ZNG1A: variants seen among roughly 807,000 people sequenced by gnomAD.
ZNG1A encodes the protein Zn regulated GTPase metalloprotein activator 1A, also known as zinc-regulated GTPase metalloprotein activator 1A.
At chr9:140,612 CT>C in the ZNG1A span, among the ~76,000 whole-genome samples, 1 of 146,686 alleles carries the variant, frequency 6.8e-6, no homozygotes, top group African/African-American at 2.6e-5. Flanking sequence ...AGCGCCTCTC[CT>C]CCTCCAAAGG....
At chr9:174,721 AT>A in the ZNG1A span, among the ~76,000 whole-genome samples, 1 of 151,298 alleles carries the variant, frequency 6.6e-6, no homozygotes, top group Non-Finnish European at 1.5e-5. Context: ...CTGAAAAAAA[AT>A]AGTACATTTT....
At chr9:147,143 A>G in the ZNG1A span, 1 of 142,572 alleles carries the variant, frequency 7.0e-6, no homozygotes, top group East Asian at 2.0e-4. Context: ...GCACCACTGC[A>G]CTCCAGCCTG....
the ZNG1A span, chr9:153,849 A>C: frequency 2.6e-5 from 4 of 151,808 alleles, no homozygotes; most frequent in Non-Finnish European, 5.9e-5. Flanking sequence ...ATAAATACTA[A>C]GAATAGTAAT....
At chr9:175,406 CG>C in the ZNG1A span, among the ~76,000 whole-genome samples, 1 of 148,932 alleles carries the variant, frequency 6.7e-6, no homozygotes, top group African/African-American at 2.5e-5. Context: ...AAAAAATAAA[CG>C]TTTTTTCATA....
the ZNG1A span, chr9:166,689 G>A: frequency 3.9e-5 from 6 of 152,492 alleles, no homozygotes; most frequent in Admixed American, 1.3e-4. Flanking sequence ...ATGAAAATGC[G>A]TTTGTAGCGC....
chr9:154,468 G>T, the ZNG1A span: 1 of 527,546 alleles, frequency 1.9e-6, no homozygotes, highest in East Asian at 3.1e-5. Context: ...GAAAGATGGA[G>T]TGCGAAGACC....
At chr9:129,398 G>C in the ZNG1A span, among the ~76,000 whole-genome samples, 2 of 151,180 alleles carry the variant, frequency 1.3e-5, no homozygotes, top group African/African-American at 2.5e-5. Context: ...TGTCACAGCA[G>C]TCAAGACACT....
chr9:135,781 A>G, the ZNG1A span, among the ~76,000 whole-genome samples: 96 of 116,644 alleles, frequency 8.2e-4, no homozygotes, highest in Non-Finnish European at 1.1e-3. Flanking sequence ...AACTTGTAGG[A>G]ACTATTGGAG....
At chr9:142,069 T>C in the ZNG1A span, among the ~76,000 whole-genome samples, 34 of 144,402 alleles carry the variant, frequency 2.4e-4, 1 homozygote, top group Middle Eastern at 0.021. Flanking sequence ...ACAAAGAGAC[T>C]TAGACTCCCA....
the ZNG1A span, among the ~76,000 whole-genome samples, chr9:128,351 T>C: frequency 0.017 from 2,579 of 151,200 alleles, 73 homozygotes; most frequent in African/African-American, 0.059. Flanking sequence ...AATTCCAGAT[T>C]TCTTGAAGGC....
chr9:122,797 A>G, the ZNG1A span: 1 of 899,016 alleles, frequency 1.1e-6, no homozygotes, highest in Non-Finnish European at 1.4e-6. Flanking sequence ...TTAAATACCC[A>G]AATATCAAGT....
chr9:129,110 G>A, the ZNG1A span, among the ~76,000 whole-genome samples: 2 of 151,620 alleles, frequency 1.3e-5, no homozygotes, highest in African/African-American at 4.9e-5. Context: ...CTCTTTGAGG[G>A]TTCTTAGCTT....
chr9:138,567 A>T, the ZNG1A span, among the ~76,000 whole-genome samples: 5 of 149,386 alleles, frequency 3.3e-5, no homozygotes, highest in African/African-American at 1.2e-4. Flanking sequence ...TTGAAAGTAG[A>T]ATCAGTTTTT....
At chr9:142,576 C>T in the ZNG1A span, among the ~76,000 whole-genome samples, 2 of 88,084 alleles carry the variant, frequency 2.3e-5, no homozygotes, top group Non-Finnish European at 4.2e-5. Context: ...ACTAAATGCC[C>T]ACAAGAGAAA....
At chr9:176,234 T>C in the ZNG1A span, among the ~76,000 whole-genome samples, 2 of 138,720 alleles carry the variant, frequency 1.4e-5, no homozygotes, top group Admixed American at 7.3e-5. Context: ...TTCATAAAGC[T>C]ATACCAACTT....
chr9:159,490 G>C, the ZNG1A span, among the ~76,000 whole-genome samples: 1 of 152,316 alleles, frequency 6.6e-6, no homozygotes, highest in East Asian at 1.9e-4. Flanking sequence ...TAACTAGCTC[G>C]ATTGTTTTAT....
chr9:174,404 T>TA, the ZNG1A span, among the ~76,000 whole-genome samples: 409 of 152,110 alleles, frequency 2.7e-3, 1 homozygote, highest in Non-Finnish European at 5.0e-3. Context: ...AAAGAGCTTC[T>TA]AAAGAGGTTG....
At chr9:175,027 AG>A in the ZNG1A span, among the ~76,000 whole-genome samples, 3 of 152,278 alleles carry the variant, frequency 2.0e-5, no homozygotes, top group South Asian at 6.2e-4. Flanking sequence ...AGCATTTTCA[AG>A]TATTTTTCAT....
At chr9:122,283 A>C in the ZNG1A span, 2 of 1,432,188 alleles carry the variant, frequency 1.4e-6, no homozygotes, top group Non-Finnish European at 1.8e-6. Context: ...TTTTCAAAAA[A>C]GGTTTCTGTG....
Sources: gnomAD v4.1 joint callset for allele counts (sites outside exome capture counted in the v4.1 genomes callset) on GRCh38, gnomAD v4.1.1 for gene constraint, MANE v1.5 for transcripts, NCBI Gene and HGNC (gene_info 2026-07-23, HGNC 2026-07-21) for gene names.